Variants in STK3 observed in about 807,000 individuals in gnomAD.
STK3 encodes serine/threonine-protein kinase 3.
In STK3, 41 loss-of-function variants were observed where a neutral mutation model predicts 58.0. That is an observed-to-expected ratio of 0.71 (90% CI 0.55 to 0.92). The LOEUF is 0.92. Among genes scored for constraint, STK3 ranks in the 40% least tolerant of loss-of-function variants. The pLI is 0.00. For synonymous variants in STK3, 170 were observed against 191.0 expected (o/e 0.89, Z 0.91); for missense variants, 479 against 602.7 (o/e 0.79, Z 2.15).
intron 1 of STK3, among the ~76,000 whole-genome samples, chr8:98,893,417 GGAAGGAAAGAAAGAAAGAAAGAAAGAAA>G (rs1350738231): frequency 2.9e-4 from 24 of 84,086 alleles, no homozygotes; most frequent in African/African-American, 5.0e-4. Context: ...AAGGAAGGAA[GGAAGGAAAGAAAGAAAGAAAGAAAGAAA>G]GAAAGAAAGA....
intron 1 of STK3, among the ~76,000 whole-genome samples, chr8:98,385,639 C>T (rs1205830200): frequency 6.6e-6 from 1 of 152,120 alleles, no homozygotes; most frequent in African/African-American, 2.4e-5. Flanking sequence ...CCCCGTCCGT[C>T]ACTGTAGCCC....
At chr8:98,486,982 C>T (rs1000943324) in intron 10 of STK3, among the ~76,000 whole-genome samples, 1 of 152,084 alleles carries the variant, frequency 6.6e-6, no homozygotes, top group African/African-American at 2.4e-5. Context: ...GGCAAAATAA[C>T]CTCTTTCTCG....
chr8:98,428,719 C>A lies in STK3; in HGVS notation n.483+5408G>T. On this transcript the variant is annotated intron_variant and non_coding_transcript_variant, in intron 3 of 3. Transcript: ENST00000517832. This position sits in a 1 kb window ranked among gnomAD's most constrained non-coding sequence, Gnocchi z 6.7. ...ACATTTGAGCTGGTGGCCAGGTTTG[C>A]TGTGGCCCCTGACTTCCTCAAGTTC... is the stretch of plus-strand genomic sequence containing the variant. 6.2e-7 allele frequency: 1 copy of A among 1,614,228 alleles called. No individual in the cohort carries two copies. Among genetic ancestry groups the A allele is most frequent in the Admixed American group, 1.7e-5 (1 of 60,034 alleles).
intron 1 of STK3, among the ~76,000 whole-genome samples, chr8:98,824,932 A>G (rs540406054): frequency 6.6e-6 from 1 of 152,348 alleles, no homozygotes; most frequent in East Asian, 1.9e-4. Context: ...GACAACCTAG[A>G]TTTGGCTTCC....
At chr8:98,607,849 A>G (rs1398880283) in intron 6 of STK3, among the ~76,000 whole-genome samples, 3 of 152,204 alleles carry the variant, frequency 2.0e-5, no homozygotes, top group Non-Finnish European at 4.4e-5. Flanking sequence ...TTTCAGTTGA[A>G]AAGTCAAATT....
chr8:98,489,273 T>C (rs1586688006), intron 10 of STK3, among the ~76,000 whole-genome samples: 1 of 152,060 alleles, frequency 6.6e-6, no homozygotes. Context: ...CCAACACATA[T>C]GGTGAAATTG....
At chr8:98,883,145 T>G (rs1173036909), downstream of STK3, 3 of 152,528 alleles carry the variant, frequency 2.0e-5, no homozygotes, top group Non-Finnish European at 4.4e-5. Flanking sequence ...GTTGAATGTC[T>G]GACATGGAAT....
At chr8:98,463,927 A>G (rs1293484594) in intron 10 of STK3, among the ~76,000 whole-genome samples, 1 of 152,186 alleles carries the variant, frequency 6.6e-6, no homozygotes, top group Non-Finnish European at 1.5e-5. Context: ...CACTACTACA[A>G]TGAAGCAAAT....
At chr8:98,820,757 C>A (rs1484871046) in intron 1 of STK3, among the ~76,000 whole-genome samples, 1 of 152,174 alleles carries the variant, frequency 6.6e-6, no homozygotes, top group Admixed American at 6.5e-5. Flanking sequence ...GCGGGTGGAT[C>A]ACGAGGTCAT....
chr8:98,517,057 T>C (rs1366680256), intron 10 of STK3, among the ~76,000 whole-genome samples: 4 of 151,894 alleles, frequency 2.6e-5, no homozygotes, highest in Non-Finnish European at 4.4e-5. Context: ...ACTGAATTCA[T>C]GAAGAAAAAA....
Position 98,789,392 on chromosome 8 carries a change from G to C in STK3, c.27-14573C>G, listed in dbSNP as rs1350497999. Among the ~76,000 whole-genome samples, 4 of 150,852 alleles carry C rather than the reference G, an allele frequency of 2.7e-5. No individual in the cohort carries two copies. In the East Asian group the frequency reaches 7.8e-4, roughly 29 times the overall value. ...CCAAACCCAAACCCAGTATAAGAAA[G>C]GAAATAACCAAGATCAGAGCAGAAA... On this transcript the variant is annotated intron_variant, in intron 1 of 10. Coordinates refer to ENST00000419617, the MANE Select transcript of STK3 (RefSeq NM_006281.4).
At chr8:98,563,898 G>A (rs1239559446) in intron 8 of STK3, among the ~76,000 whole-genome samples, 2 of 152,090 alleles carry the variant, frequency 1.3e-5, no homozygotes, top group African/African-American at 4.8e-5. Flanking sequence ...CTCCTGTGTA[G>A]AAAAAATTCT....
chr8:98,924,184 G>A (rs563009417), intron 1 of STK3, among the ~76,000 whole-genome samples: 1 of 152,194 alleles, frequency 6.6e-6, no homozygotes, highest in Non-Finnish European at 1.5e-5. Context: ...GCAGGCCTCT[G>A]CCTTCTTGTT....
chr8:98,699,469 T>C (rs1825338994), intron 6 of STK3, among the ~76,000 whole-genome samples: 1 of 152,002 alleles, frequency 6.6e-6, no homozygotes, highest in South Asian at 2.1e-4. Context: ...TTTTCTGCTC[T>C]GTTTTTTCCC....
chr8:98,486,466 T>C (rs1721889592), intron 10 of STK3, among the ~76,000 whole-genome samples: 1 of 152,008 alleles, frequency 6.6e-6, no homozygotes, highest in Admixed American at 6.6e-5. Flanking sequence ...GCTGAAAAGG[T>C]TCAATGAAGT....
chr8:98,457,643 C>A (rs1819599957), intron 10 of STK3, among the ~76,000 whole-genome samples: 1 of 152,122 alleles, frequency 6.6e-6, no homozygotes, highest in Non-Finnish European at 1.5e-5. Flanking sequence ...AGAGACTGTA[C>A]ATACACCAAG....
At chr8:98,368,811 C>A (rs1228431796), downstream of STK3, among the ~76,000 whole-genome samples, 1 of 152,154 alleles carries the variant, frequency 6.6e-6, no homozygotes, top group African/African-American at 2.4e-5. Flanking sequence ...CTGGCTGTAA[C>A]TTGGTGACCT....
At chr8:98,715,441 A>G (rs1826917825) in intron 4 of STK3, among the ~76,000 whole-genome samples, 1 of 152,138 alleles carries the variant, frequency 6.6e-6, no homozygotes, top group South Asian at 2.1e-4. Context: ...TACAAGAAAA[A>G]AAAAACAACC....
intron 1 of STK3, among the ~76,000 whole-genome samples, chr8:98,801,516 C>A (rs889166904): frequency 2.0e-5 from 3 of 152,058 alleles, no homozygotes; most frequent in African/African-American, 7.2e-5. Context: ...CTGAGGCCAG[C>A]GAGACCATGA....
Sources: allele counts gnomAD v4.1 joint callset (sites outside exome capture counted in the v4.1 genomes callset), GRCh38; gene constraint gnomAD v4.1.1; non-coding constraint Gnocchi (gnomAD v3.1); transcripts MANE v1.5; gene names NCBI Gene and HGNC (gene_info 2026-07-23, HGNC 2026-07-21).